Variants in PDZD2 observed in about 807,000 individuals in gnomAD.
PDZD2 encodes the protein PDZ domain containing 2.
In PDZD2, 90 loss-of-function variants were observed where a neutral mutation model predicts 220.7. The observed-to-expected ratio is 0.41, with a 90% CI of 0.34 to 0.49. The LOEUF (loss-of-function observed/expected upper bound fraction) is 0.49. PDZD2 is among the 20% of genes least tolerant of loss of function. The probability of loss-of-function intolerance (pLI) is 0.28; values close to 1 mark genes in which losing one functional copy is unlikely to be tolerated. For missense variants in PDZD2, 3,174 were observed against 3,608.5 expected, an observed-to-expected ratio of 0.88 and a Z score of 3.08; for synonymous variants, 1,375 against 1,450.5, an observed-to-expected ratio of 0.95 and a Z score of 1.18.
At chr5:31,691,224 C>A (rs1747106445) in intron 1 of PDZD2, among the ~76,000 whole-genome samples, 1 of 151,818 alleles carries the variant, frequency 6.6e-6, no homozygotes. Flanking sequence ...GTGAGTGTTA[C>A]AGCTCTTAAG....
At chr5:31,792,538 C>T (rs1203821412) in intron 1 of PDZD2, among the ~76,000 whole-genome samples, 1 of 152,106 alleles carries the variant, frequency 6.6e-6, no homozygotes, top group African/African-American at 2.4e-5. Flanking sequence ...CATGCCCCAG[C>T]CTCCCGAAGA....
rs573451830 is a variant in PDZD2, at chr5:32,098,939, G to A, written c.8218+305G>A. On this transcript the variant is annotated intron_variant, in intron 23 of 24. Transcript: ENST00000438447. This position sits in a 1 kb window ranked among gnomAD's most constrained non-coding sequence, Gnocchi z 4.1. ...TCTTACATTCACAGCCTCTTGTTAGGACTGGTAAGGAAAACAGGAAACTAC... is the reference window on the plus strand; with the variant it reads ...TCTTACATTCACAGCCTCTTGTTAGAACTGGTAAGGAAAACAGGAAACTAC... 3.2e-4 allele frequency among the ~76,000 whole-genome samples: 49 copies of A among 152,320 alleles called. No individual in the cohort carries two copies. The highest frequency in any genetic ancestry group is 1.1e-3 in the Admixed American group (17 of 15,300).
At chr5:31,870,034 C>T (rs549715156) in intron 2 of PDZD2, among the ~76,000 whole-genome samples, 19 of 152,164 alleles carry the variant, frequency 1.2e-4, no homozygotes, top group Admixed American at 2.0e-4. Flanking sequence ...AAGCCACTGA[C>T]CCTGCCAGCT....
At position 32,101,097 on chromosome 5, in the gene PDZD2, G is replaced by A. The variant is rs368034917; in HGVS notation, c.8219-8G>A. ...TCATTTTCATCTTGGTGCACGCTGCGGCTGCAGGGAGAAGTGTGGCTGTAC... is the reference window on the plus strand; with the variant it reads ...TCATTTTCATCTTGGTGCACGCTGCAGCTGCAGGGAGAAGTGTGGCTGTAC... On this transcript the variant is annotated splice_region_variant and splice_polypyrimidine_tract_variant and intron_variant, in intron 23 of 24. Coordinates refer to ENST00000438447, the MANE Select transcript of PDZD2 (RefSeq NM_178140.4). 190 of 1,613,948 alleles carry A rather than the reference G, an allele frequency of 1.2e-4. No individual in the cohort carries two copies. Among genetic ancestry groups the A allele is most frequent in the African/African-American group, 1.9e-4 (14 of 74,890 alleles).
Position 32,048,864 on chromosome 5 carries a change from TG to T in PDZD2, c.1665+186del, listed in dbSNP as rs1738238380. On this transcript the variant is annotated intron_variant, in intron 8 of 24. Coordinates refer to ENST00000438447, the MANE Select transcript of PDZD2 (RefSeq NM_178140.4). ...AAGTCAGCCTAATACTTGAAAATAG[TG>T]GGGGGAAAATCCCTCATTGGATCTC... Among the ~76,000 whole-genome samples, 5 of 152,138 alleles carry T rather than the reference TG, an allele frequency of 3.3e-5. No individual in the cohort carries two copies. In the South Asian group the frequency reaches 1.0e-3, roughly 32 times the overall value.
chr5:31,714,183 A>G (rs771487259), intron 1 of PDZD2, among the ~76,000 whole-genome samples: 3 of 152,182 alleles, frequency 2.0e-5, no homozygotes, highest in Non-Finnish European at 4.4e-5. Context: ...TTGGCTCAGT[A>G]AGTTTTTCCA....
intron 2 of PDZD2, among the ~76,000 whole-genome samples, chr5:31,824,180 C>T (rs1464518166): frequency 6.6e-6 from 1 of 152,172 alleles, no homozygotes; most frequent in Admixed American, 6.5e-5. Flanking sequence ...CATATTTTAA[C>T]TCCTTCAAAA....
intron 2 of PDZD2, among the ~76,000 whole-genome samples, chr5:31,829,385 T>A (rs1028028082): frequency 3.3e-5 from 5 of 151,598 alleles, no homozygotes; most frequent in African/African-American, 9.7e-5. Flanking sequence ...TGGAGTGCAG[T>A]GGCATGATCT....
At chr5:31,949,536 T>A (rs1746981049) in intron 2 of PDZD2, among the ~76,000 whole-genome samples, 1 of 152,214 alleles carries the variant, frequency 6.6e-6, no homozygotes, top group African/African-American at 2.4e-5. Context: ...CCATTCTTCT[T>A]GTTCATATAT....
At chr5:32,016,345 G>T (rs548942148) in intron 6 of PDZD2, among the ~76,000 whole-genome samples, 7 of 152,304 alleles carry the variant, frequency 4.6e-5, no homozygotes, top group African/African-American at 1.7e-4. Flanking sequence ...TTGATTCGTG[G>T]TGTCCTAGAT....
chr5:32,056,396 C>T (rs998066279), intron 10 of PDZD2, among the ~76,000 whole-genome samples: 1 of 152,210 alleles, frequency 6.6e-6, no homozygotes, highest in Non-Finnish European at 1.5e-5. Flanking sequence ...TGCTGCTTTG[C>T]ACTTTCTTAT....
chr5:31,913,321 A>G (rs1743368851), intron 2 of PDZD2, among the ~76,000 whole-genome samples: 1 of 141,322 alleles, frequency 7.1e-6, no homozygotes, highest in African/African-American at 2.7e-5. Flanking sequence ...AGCCTGGACG[A>G]CAGAGTGAAA....
chr5:31,697,881 C>T (rs1456881868), intron 1 of PDZD2, among the ~76,000 whole-genome samples: 1 of 145,786 alleles, frequency 6.9e-6, no homozygotes, highest in African/African-American at 2.6e-5. Flanking sequence ...TTCCTTATTT[C>T]TTTATTATTA....
chr5:31,920,478 T>G (rs1254764907), intron 2 of PDZD2, among the ~76,000 whole-genome samples: 3 of 143,548 alleles, frequency 2.1e-5, no homozygotes, highest in East Asian at 2.1e-4. Context: ...ACAGTGTACA[T>G]TAGGGTTCGC....
At chr5:31,804,564 G>A (rs1432454942) in intron 2 of PDZD2, among the ~76,000 whole-genome samples, 1 of 152,106 alleles carries the variant, frequency 6.6e-6, no homozygotes, top group East Asian at 1.9e-4. Context: ...ACTTCCCCAC[G>A]GTCACCTAAG....
intron 1 of PDZD2, among the ~76,000 whole-genome samples, chr5:31,699,049 T>C (rs2150132724): frequency 6.6e-6 from 1 of 152,296 alleles, no homozygotes; most frequent in Admixed American, 6.5e-5. Flanking sequence ...TTTTCCTCCA[T>C]TTGTTAAACA....
Position 31,849,881 on chromosome 5 carries a change from TATATATACAC to T in PDZD2, c.476+50165_476+50174del, listed in dbSNP as rs1561506646. Among the ~76,000 whole-genome samples, 399 of 46,030 alleles carry T rather than the reference TATATATACAC, an allele frequency of 8.7e-3. 85 individuals are homozygous for T. Among genetic ancestry groups the T allele is most frequent in the African/African-American group, 0.047 (252 of 5,336 alleles). The allele number at this position is 46,030 out of a possible 152,430, so 30.2% of individuals were successfully genotyped here. On this transcript the variant is annotated intron_variant, in intron 2 of 24. Coordinates refer to ENST00000438447, the MANE Select transcript of PDZD2 (RefSeq NM_178140.4). Reference sequence around the variant, plus strand: ...TCTCATATATATATACATATATATATATATATACACATATATATATATACATATATATATA... The same window carrying T: ...TCTCATATATATATACATATATATATATATATATATATACATATATATATA...
intron 1 of PDZD2, among the ~76,000 whole-genome samples, chr5:31,669,662 G>A (rs1746137948): frequency 6.6e-6 from 1 of 152,138 alleles, no homozygotes; most frequent in Admixed American, 6.6e-5. Context: ...TAACAGAGGT[G>A]GGATCAATCA....
chr5:32,072,946 G>A (rs1194474155), intron 17 of PDZD2, among the ~76,000 whole-genome samples: 1 of 151,996 alleles, frequency 6.6e-6, no homozygotes, highest in Non-Finnish European at 1.5e-5. Context: ...CCCTCACCAG[G>A]CCCTAGCTTC....
Sources: allele counts gnomAD v4.1 joint callset (sites outside exome capture counted in the v4.1 genomes callset), GRCh38; gene constraint gnomAD v4.1.1; non-coding constraint Gnocchi (gnomAD v3.1); transcripts MANE v1.5; gene names NCBI Gene and HGNC (gene_info 2026-07-23, HGNC 2026-07-21).